DCT: variants seen among roughly 807,000 people sequenced by gnomAD.
DCT encodes the protein dopachrome tautomerase.
A neutral mutation model predicts 53.0 loss-of-function variants in DCT; 47 were observed. The observed-to-expected ratio is 0.89, with a 90% CI of 0.70 to 1.13. The LOEUF (loss-of-function observed/expected upper bound fraction) is 1.13, where lower values mean the gene tolerates loss of function less well. Ranked by LOEUF, DCT falls within the 50% of genes most tolerant of loss-of-function variation. The pLI is 0.00. For missense variants in DCT, 669 were observed against 637.4 expected, an observed-to-expected ratio of 1.05 and a Z score of -0.53; for synonymous variants, 244 against 237.0, an observed-to-expected ratio of 1.03 and a Z score of -0.27.
At position 94,479,008 on chromosome 13, in the gene DCT, C is replaced by T. The variant is rs374657624; in HGVS notation, c.248G>A (p.Arg83His). 149 of 1,613,746 alleles carry T rather than the reference C, an allele frequency of 9.2e-5. 2 individuals carry two copies. The South Asian group carries it at 1.2e-3, about 13-fold the overall frequency. Residue 83 changes from arginine (R) to histidine (H), a missense_variant, in exon 1 of 8, where the codon CGT (arginine) becomes CAT (histidine). Physicochemically the swap from Arg to His is conservative, Grantham distance 29. Coordinates refer to ENST00000377028, the MANE Select transcript of DCT (RefSeq NM_001922.5). ...GAAGAATTTTCTTGGCCACAGCTCA[C>T]GGTCATCCTGGTTTCGTAGGATGTA... ...GPYILRNQDD[R>H]ELWPRKFFHR...
rs766868561 is a variant in DCT at position 94,445,757 on chromosome 13, CT to C, written c.1180-2121del. On this transcript the variant is annotated intron_variant, in intron 6 of 7. Transcript: ENST00000377028. ...GAAGGGAGTTCCTTGGTCGCTTTCT[CT>C]TTTCTGTTGAGACACAAAATTTAAT... The C allele has an allele frequency of 5.7e-6, 9 of 1,580,178 alleles. No individual in the cohort carries two copies. In the Admixed American group the frequency reaches 1.6e-4, roughly 28 times the overall value.
At chr13:94,459,773 G>C (rs899741401) in intron 6 of DCT, among the ~76,000 whole-genome samples, 2 of 152,170 alleles carry the variant, frequency 1.3e-5, no homozygotes, top group Non-Finnish European at 2.9e-5. Context: ...GGTTTGTGTG[G>C]ACTACTGAAC....
the DCT span, among the ~76,000 whole-genome samples, chr13:94,515,694 T>C: frequency 2.0e-5 from 3 of 152,182 alleles, no homozygotes; most frequent in Admixed American, 2.0e-4. Flanking sequence ...TCTCAAGAAC[T>C]TCTAGAAAGC....
intron 6 of DCT, among the ~76,000 whole-genome samples, chr13:94,453,943 A>G (rs1464746313): frequency 2.0e-5 from 3 of 152,100 alleles, no homozygotes; most frequent in Admixed American, 2.0e-4. Flanking sequence ...TTTAAATTTC[A>G]ACTAAACTCA....
intron 2 of DCT, 80 bp downstream of exon 2, chr13:94,468,666 T>G: frequency 7.9e-7 from 1 of 1,266,930 alleles, no homozygotes; most frequent in Non-Finnish European, 1.1e-6. Context: ...TTAACTTGCA[T>G]GAAATTACTT....
At chr13:94,486,410 A>G in the DCT span, among the ~76,000 whole-genome samples, 3,384 of 152,260 alleles carry the variant, frequency 0.022, 125 homozygotes, top group African/African-American at 0.078. Context: ...GAATTAAGAA[A>G]TCCTCATTCT....
chr13:94,548,204 C>A, the DCT span, among the ~76,000 whole-genome samples: 85 of 151,978 alleles, frequency 5.6e-4, 2 homozygotes, highest in African/African-American at 1.9e-3. Flanking sequence ...TTAATTCTTG[C>A]AACCCTGGAA....
Position 94,438,327 on chromosome 13 carries a change from G to A in DCT, c.*1571C>T, listed in dbSNP as rs539159622. On this transcript the variant is annotated 3_prime_UTR_variant, in exon 8 of 8. Coordinates refer to ENST00000377028, the MANE Select transcript of DCT (RefSeq NM_001922.5). ...AAAAAGCCCAAGCAGGGCTTTACCG[G>A]GCTATCTTGATCTTCACCACTGAGC... 5.2e-6 allele frequency: 1 copy of A among 193,590 alleles called. No homozygotes were observed. Among genetic ancestry groups the A allele is most frequent in the East Asian group, 1.4e-4 (1 of 7,130 alleles). The allele number at this position is 193,590 out of a possible 1,614,324, so 12.0% of individuals were successfully genotyped here.
intron 6 of DCT, among the ~76,000 whole-genome samples, chr13:94,447,628 A>G (rs1180112366): frequency 2.0e-5 from 3 of 152,180 alleles, no homozygotes; most frequent in Non-Finnish European, 4.4e-5. Context: ...TCCAATCTTA[A>G]CAATGCAGAA....
rs770964531 is a variant in DCT, at chr13:94,460,138, C to A, written c.1132G>T (p.Gly378Trp). Residue 378 changes from glycine (G) to tryptophan (W), a missense_variant, in exon 6 of 8, where the codon GGG becomes TGG. Physicochemically the swap from Gly to Trp is radical, Grantham distance 184 (BLOSUM62 -2). Transcript: ENST00000377028. ...GCTGAATGTGGCAAAGCGTTTGTCC[C>A]GTTCAGGAAGGAATGAACCAAATTA... ...LHNLVHSFLN[G>W]TNALPHSAAN... is the part of the protein sequence containing the mutation. 6.8e-6 allele frequency: 11 copies of A among 1,613,958 alleles called. No homozygotes were observed. The East Asian group carries it at 2.5e-4, about 36-fold the overall frequency.
the DCT span, among the ~76,000 whole-genome samples, chr13:94,500,637 T>C: frequency 6.6e-6 from 1 of 152,184 alleles, no homozygotes; most frequent in Admixed American, 6.5e-5. Flanking sequence ...CTTAGCATAA[T>C]GTCATCCAGA....
At chr13:94,547,558 C>T in the DCT span, among the ~76,000 whole-genome samples, 1 of 152,122 alleles carries the variant, frequency 6.6e-6, no homozygotes, top group Non-Finnish European at 1.5e-5. Context: ...GATTCACCAT[C>T]ACTAACATTA....
chr13:94,546,637 C>T, the DCT span, among the ~76,000 whole-genome samples: 1 of 152,034 alleles, frequency 6.6e-6, no homozygotes, highest in Non-Finnish European at 1.5e-5. The surrounding 1 kb of genome is among the most constrained non-coding windows in gnomAD (Gnocchi z 4.2). Context: ...TGTCAGGAGA[C>T]CAACAGGTGG....
At chr13:94,507,856 A>G in the DCT span, among the ~76,000 whole-genome samples, 3 of 152,174 alleles carry the variant, frequency 2.0e-5, no homozygotes, top group Non-Finnish European at 4.4e-5. Flanking sequence ...GTTTTAATTA[A>G]TCACTTCTAA....
At chr13:94,446,110 G>A (rs949243234) in intron 6 of DCT, among the ~76,000 whole-genome samples, 2 of 152,168 alleles carry the variant, frequency 1.3e-5, no homozygotes, top group Non-Finnish European at 2.9e-5. Context: ...TAGTGACGCA[G>A]CTTGAGATGA....
Position 94,478,944 on chromosome 13 carries a change from T to G in DCT, c.295+17A>C, listed in dbSNP as rs762029610. The G allele has an allele frequency of 1.9e-6, 3 of 1,582,608 alleles. No homozygotes were observed. The South Asian group carries it at 3.4e-5, about 18-fold the overall frequency. Reference sequence around the variant, plus strand: ...CAGCTCTGGCCCTCCCCACCAAGCTTGGAGCATGGGCCTCACCTGTGCACT... The same window carrying G: ...CAGCTCTGGCCCTCCCCACCAAGCTGGGAGCATGGGCCTCACCTGTGCACT... On this transcript the variant is annotated intron_variant, in intron 1 of 7. Coordinates refer to ENST00000377028, the MANE Select transcript of DCT (RefSeq NM_001922.5).
chr13:94,442,613 C>T (rs953793769), intron 7 of DCT, among the ~76,000 whole-genome samples: 2 of 152,170 alleles, frequency 1.3e-5, no homozygotes, highest in Admixed American at 6.5e-5. Flanking sequence ...AAATATCCTC[C>T]CATATGTTGA....
At chr13:94,494,696 AG>A in the DCT span, among the ~76,000 whole-genome samples, 1 of 152,258 alleles carries the variant, frequency 6.6e-6, no homozygotes, top group Non-Finnish European at 1.5e-5. Context: ...AAAGTGTTAA[AG>A]AAACAGAAGC....
chr13:94,502,630 T>C, the DCT span, among the ~76,000 whole-genome samples: 5 of 152,328 alleles, frequency 3.3e-5, no homozygotes, highest in Middle Eastern at 6.8e-3. Context: ...TGTAGCTTTC[T>C]GACCCCCTCC....
Sources: allele counts gnomAD v4.1 joint callset (sites outside exome capture counted in the v4.1 genomes callset), GRCh38; gene constraint gnomAD v4.1.1; non-coding constraint Gnocchi (gnomAD v3.1); transcripts MANE v1.5; gene names NCBI Gene and HGNC (gene_info 2026-07-23, HGNC 2026-07-21).